Variants in FAM110C observed in about 807,000 individuals in gnomAD.
FAM110C encodes the protein family with sequence similarity 110 member C, also known as protein FAM110C.
Under a neutral mutation model 15.7 loss-of-function variants are expected in FAM110C, and 19 were observed. That is an observed-to-expected ratio of 1.21 (90% confidence interval 0.85 to 1.78). The LOEUF (loss-of-function observed/expected upper bound fraction) is 1.78, where lower values mean the gene tolerates loss of function less well. FAM110C is among the 40% of genes most tolerant of loss of function. The pLI, the probability that FAM110C is intolerant of heterozygous loss-of-function variation, is 0.00. For missense variants in FAM110C, 547 were observed against 495.7 expected, an observed-to-expected ratio of 1.10 and a Z score of -0.98; for synonymous variants, 275 against 233.9, an observed-to-expected ratio of 1.18 and a Z score of -1.61.
intron 1 of FAM110C, chr2:42,409 T>A: frequency 1.4e-6 from 1 of 717,532 alleles, no homozygotes; most frequent in Non-Finnish European, 1.7e-6. Context: ...CAGCAACTTA[T>A]ATATTCTACG....
chr2:45,423 G>A lies in FAM110C; in HGVS notation c.946+17C>T. 6.3e-7 allele frequency: 1 copy of A among 1,592,206 alleles called. No individual in the cohort carries two copies. Among genetic ancestry groups the A allele is most frequent in the Non-Finnish European group, 8.6e-7 (1 of 1,166,768 alleles). ...CCGCACACGGCCAGCCCCGCCCCCA[G>A]CCTTCTGGGCACACACCTCGGGTCC... On this transcript the variant is annotated intron_variant, in intron 1 of 1. Transcript: ENST00000327669.
chr2:42,618 G>A (rs936066156), intron 1 of FAM110C, among the ~76,000 whole-genome samples: 2 of 152,182 alleles, frequency 1.3e-5, no homozygotes, highest in African/African-American at 2.4e-5. Flanking sequence ...CGGATTATAC[G>A]AGTCATTGCC....
intron 1 of FAM110C, chr2:43,065 G>A: frequency 4.1e-6 from 4 of 985,524 alleles, no homozygotes; most frequent in Non-Finnish European, 4.8e-6. Flanking sequence ...CTGTGAAGGG[G>A]CTAAGGTCAT....
intron 1 of FAM110C, chr2:44,072 C>T: frequency 2.0e-6 from 2 of 985,416 alleles, no homozygotes; most frequent in South Asian, 9.4e-5. Context: ...AAAGCTCCTG[C>T]CCTACACATG....
chr2:39,893 C>T lies in FAM110C; in HGVS notation c.*1715G>A, dbSNP rs1487819039. On this transcript the variant is annotated 3_prime_UTR_variant, in exon 2 of 2. Transcript: ENST00000327669. ...CTGCTCTCATCTTTCACATTATCTT[C>T]TTTTTAACTAAGTGCAATACAGTGA... 3 of 152,192 alleles carry T rather than the reference C, an allele frequency of 2.0e-5. No individual in the cohort carries two copies. The highest frequency in any genetic ancestry group is 4.4e-5 in the Non-Finnish European group (3 of 68,046). The allele number at this position is 152,192 out of a possible 1,614,324, so 9.4% of individuals were successfully genotyped here. A position where few individuals can be genotyped will look rare whatever the true frequency, so the allele number is the denominator to read the frequency against.
In FAM110C at chr2:41,527, C is replaced by A; in HGVS notation, c.*81G>T. 6.6e-7 allele frequency: 1 copy of A among 1,503,816 alleles called. No homozygotes were observed. Among genetic ancestry groups the A allele is most frequent in the South Asian group, 1.2e-5 (1 of 84,064 alleles). 93.2% of individuals were successfully genotyped at this position (1,503,816 alleles called of 1,614,324 possible). A position where few individuals can be genotyped will look rare whatever the true frequency, so the allele number is the denominator to read the frequency against. On this transcript the variant is annotated 3_prime_UTR_variant, in exon 2 of 2. Coordinates refer to ENST00000327669, the MANE Select transcript of FAM110C (RefSeq NM_001077710.3). ...GGATGCTGCATTCCTGGTAAAACAGCAATCATGTGGTCACCTAGGCACACT... is the reference window on the plus strand; with the variant it reads ...GGATGCTGCATTCCTGGTAAAACAGAAATCATGTGGTCACCTAGGCACACT...
chr2:43,347 C>T, intron 1 of FAM110C: 1 of 985,366 alleles, frequency 1.0e-6, no homozygotes, highest in African/African-American at 1.7e-5. Context: ...CCATTGTCTC[C>T]AGTCTGGAAC....
intron 1 of FAM110C, chr2:42,955 G>A (rs1664165743): frequency 1.0e-6 from 1 of 985,324 alleles, no homozygotes; most frequent in Non-Finnish European, 1.2e-6. Flanking sequence ...ACTTCTGCAG[G>A]AAGTCAGAGG....
chr2:44,651 C>T (rs1664228000), intron 1 of FAM110C: 1 of 985,278 alleles, frequency 1.0e-6, no homozygotes, highest in Non-Finnish European at 1.2e-6. Flanking sequence ...AAGACCAGCA[C>T]TCCTCAGTTC....
chr2:43,901 T>A (rs1327560308), intron 1 of FAM110C: 1 of 985,390 alleles, frequency 1.0e-6, no homozygotes, highest in Non-Finnish European at 1.2e-6. Flanking sequence ...GACTAGAAAA[T>A]GTAGAGGTTG....
Position 45,877 on chromosome 2 carries a change from G to A in FAM110C, c.509C>T (p.Pro170Leu). The A allele has an allele frequency of 6.8e-7, 1 of 1,464,344 alleles. No individual in the cohort carries two copies. Among genetic ancestry groups the A allele is most frequent in the Non-Finnish European group, 8.9e-7 (1 of 1,120,628 alleles). 90.7% of individuals were successfully genotyped at this position (1,464,344 alleles called of 1,614,324 possible). A position where few individuals can be genotyped will look rare whatever the true frequency, so the allele number is the denominator to read the frequency against. ...GGAGGGCGCCGCGGACCGCGCGGCT[G>A]GGGCTGGGGTCTCGGGGATTGCGGG... ...ADPAIPETPAPAARSAAPSSV... is the reference protein window; with the variant it reads ...ADPAIPETPALAARSAAPSSV... The change falls in exon 1 of 2, where the codon CCA (proline) becomes CTA (leucine). Residue 170 changes from proline to leucine, a missense_variant. Coordinates refer to ENST00000327669, the MANE Select transcript of FAM110C (RefSeq NM_001077710.3).
Position 45,894 on chromosome 2 carries a change from G to A in FAM110C, c.492C>T (p.Ile164=), listed in dbSNP as rs773657821. ...TTPGPAADPA[I]PETPAPAARS... is the part of the protein sequence containing the mutation. ...GCGCGGCTGGGGCTGGGGTCTCGGG[G>A]ATTGCGGGGTCCGCCGCGGGGCCAG... Residue 164 remains isoleucine (I), a synonymous_variant, in exon 1 of 2, where the codon ATC becomes ATT. Coordinates refer to ENST00000327669, the MANE Select transcript of FAM110C (RefSeq NM_001077710.3). The A allele has an allele frequency of 6.3e-6, 9 of 1,430,548 alleles. No individual in the cohort carries two copies. In the African/African-American group the frequency reaches 1.4e-4, roughly 22 times the overall value. 88.6% of individuals were successfully genotyped at this position (1,430,548 alleles called of 1,614,324 possible).
rs142958277 is a variant in FAM110C, at chr2:44,279, A to G, written c.946+1161T>C. On this transcript the variant is annotated intron_variant, in intron 1 of 1. Transcript: ENST00000327669. ...TTAAGTCCTGAGCCTTCTGAGTTCA[A>G]GAAAAAGAATGAATTATCTTCTTCT... 1.1e-3 allele frequency: 1,060 copies of G among 985,322 alleles called. 9 individuals are homozygous for G. In the African/African-American group the frequency reaches 0.017, roughly 16 times the overall value. The allele number at this position is 985,322 out of a possible 1,614,324, so 61.0% of individuals were successfully genotyped here.
intron 1 of FAM110C, chr2:44,718 G>T (rs1037836836): frequency 2.0e-6 from 2 of 985,240 alleles, no homozygotes; most frequent in African/African-American, 3.5e-5. Flanking sequence ...TTGTCCAAAG[G>T]GAGGTTACTT....
chr2:42,816 C>T (rs946617501), intron 1 of FAM110C: 14 of 984,976 alleles, frequency 1.4e-5, no homozygotes, highest in East Asian at 1.1e-4. Flanking sequence ...TACCTTTGTT[C>T]GTCTCAAGTT....
At chr2:44,244 A>C (rs1462348350) in intron 1 of FAM110C, 1 of 985,044 alleles carries the variant, frequency 1.0e-6, no homozygotes, top group Non-Finnish European at 1.2e-6. Context: ...TATAAATTAT[A>C]AGGAAGAACT....
At chr2:43,362 G>A (rs10180278) in intron 1 of FAM110C, 20,867 of 985,258 alleles carry the variant, frequency 0.021, 530 homozygotes, top group East Asian at 0.13. Flanking sequence ...TGGAACAAAC[G>A]GGATTCAGGT....
chr2:44,094 G>T (rs1217930088), intron 1 of FAM110C: 3 of 985,380 alleles, frequency 3.0e-6, no homozygotes, highest in African/African-American at 1.7e-5. Context: ...TGCCATCATG[G>T]AAATACCCTT....
chr2:39,061 T>C lies in FAM110C; in HGVS notation c.*2547A>G, dbSNP rs1664058319. On this transcript the variant is annotated 3_prime_UTR_variant, in exon 2 of 2. Coordinates refer to ENST00000327669, the MANE Select transcript of FAM110C (RefSeq NM_001077710.3). ...GTGCCCAGTAGTTTAAAACATTCTATTATGTTTAATTACATTTTGAAAAAT... is the reference window on the plus strand; with the variant it reads ...GTGCCCAGTAGTTTAAAACATTCTACTATGTTTAATTACATTTTGAAAAAT... 1 of 152,238 alleles carries C rather than the reference T, an allele frequency of 6.6e-6. No individual in the cohort carries two copies. Among genetic ancestry groups the C allele is most frequent in the Non-Finnish European group, 1.5e-5 (1 of 68,040 alleles). 9.4% of individuals were successfully genotyped at this position (152,238 alleles called of 1,614,324 possible). A position where few individuals can be genotyped will look rare whatever the true frequency, so the allele number is the denominator to read the frequency against.
Sources: allele counts gnomAD v4.1 joint callset (sites outside exome capture counted in the v4.1 genomes callset), GRCh38; gene constraint gnomAD v4.1.1; transcripts MANE v1.5; gene names NCBI Gene and HGNC (gene_info 2026-07-23, HGNC 2026-07-21).